The following XKRX variants were observed in gnomAD, a reference collection of about 807,000 sequenced individuals.
XKRX encodes the protein XK related X-linked.
XKRX carries 11 observed loss-of-function variants against 22.4 expected under a neutral mutation model. That is an observed-to-expected ratio of 0.49 (90% confidence interval 0.31 to 0.81). The LOEUF (loss-of-function observed/expected upper bound fraction) is 0.81. Among genes scored for constraint, XKRX ranks in the 40% least tolerant of loss-of-function variants. The pLI is 0.05. For missense variants in XKRX, 320 were observed against 336.5 expected (o/e 0.95, Z 0.38); for synonymous variants, 114 against 132.2 (o/e 0.86, Z 0.94).
At chrX:100,898,107 A>G in the XKRX span, among the ~76,000 whole-genome samples, 2 of 111,896 alleles carry the variant, frequency 1.8e-5, no homozygotes, top group Non-Finnish European at 3.8e-5. Flanking sequence ...TGTCAGAAGC[A>G]ACTTTCACAA....
At chrX:100,891,718 C>T in the XKRX span, among the ~76,000 whole-genome samples, 1 of 74,748 alleles carries the variant, frequency 1.3e-5, no homozygotes, top group Non-Finnish European at 2.5e-5. Flanking sequence ...TAGTGAGACC[C>T]CATCTCTATT....
At chrX:100,910,657 T>C (rs1479435025), downstream of XKRX, 1 of 384,422 alleles carries the variant, frequency 2.6e-6, no homozygotes, top group Non-Finnish European at 4.5e-6. Context: ...ACCTGAAAAT[T>C]GAGAGCATTT....
At chrX:100,916,853 T>C (rs994099392) in intron 2 of XKRX, among the ~76,000 whole-genome samples, 1 of 112,658 alleles carries the variant, frequency 8.9e-6, no homozygotes, top group African/African-American at 3.2e-5. Flanking sequence ...GCGCGGTGAC[T>C]CATGCCTGTA....
At chrX:100,898,371 AG>A in the XKRX span, among the ~76,000 whole-genome samples, 6 of 108,361 alleles carry the variant, frequency 5.5e-5, no homozygotes, top group African/African-American at 2.0e-4. Flanking sequence ...CCCTGAAGGA[AG>A]GGTGCAAGGG....
the XKRX span, among the ~76,000 whole-genome samples, chrX:100,954,150 G>A: frequency 9.0e-6 from 1 of 111,096 alleles, no homozygotes; most frequent in Non-Finnish European, 1.9e-5. Flanking sequence ...CGGGCGCAGT[G>A]GCTCACGCCT....
the XKRX span, among the ~76,000 whole-genome samples, chrX:100,936,169 C>T: frequency 8.1e-4 from 90 of 111,450 alleles, no homozygotes; most frequent in East Asian, 0.022. Flanking sequence ...CTGGATTATA[C>T]AGGGAAGTGA....
At chrX:100,955,508 AC>A in the XKRX span, among the ~76,000 whole-genome samples, 88 of 109,228 alleles carry the variant, frequency 8.1e-4, no homozygotes, top group Middle Eastern at 4.7e-3. Context: ...CCCTATCTCT[AC>A]TAAAAATAAA....
At chrX:100,955,727 G>A in the XKRX span, among the ~76,000 whole-genome samples, 11 of 111,665 alleles carry the variant, frequency 9.9e-5, no homozygotes, top group Admixed American at 9.5e-4. Context: ...AAAAATCCTC[G>A]ATATGAATGT....
At chrX:100,951,617 A>T in the XKRX span, among the ~76,000 whole-genome samples, 1 of 111,508 alleles carries the variant, frequency 9.0e-6, no homozygotes, top group African/African-American at 3.3e-5. Flanking sequence ...AACCATACAG[A>T]TGATGACTGA....
the XKRX span, among the ~76,000 whole-genome samples, chrX:100,891,130 T>C: frequency 8.9e-6 from 1 of 111,932 alleles, no homozygotes; most frequent in African/African-American, 3.2e-5. Context: ...ATTATAGCTG[T>C]TGCAAATATC....
chrX:100,904,684 A>C, the XKRX span, among the ~76,000 whole-genome samples: 4 of 111,871 alleles, frequency 3.6e-5, no homozygotes, highest in Non-Finnish European at 7.5e-5. Context: ...GCTGGGAGAC[A>C]AGGAAGCTTG....
At chrX:100,915,705 T>C (rs1278406138) in intron 2 of XKRX, among the ~76,000 whole-genome samples, 1 of 103,402 alleles carries the variant, frequency 9.7e-6, no homozygotes, top group African/African-American at 4.0e-5. Context: ...TGTGTGTGTG[T>C]GTGCGTGTGT....
At chrX:100,936,566 A>AAAAAG in the XKRX span, among the ~76,000 whole-genome samples, 5 of 90,661 alleles carry the variant, frequency 5.5e-5, no homozygotes, top group African/African-American at 1.2e-4. Flanking sequence ...AAAAAAAAAA[A>AAAAAG]AAAAGAAAAG....
chrX:100,905,611 C>A, the XKRX span, among the ~76,000 whole-genome samples: 2 of 111,813 alleles, frequency 1.8e-5, no homozygotes. Context: ...TTTCCTCTAC[C>A]CCCCCATATT....
chrX:100,946,702 T>C, the XKRX span, among the ~76,000 whole-genome samples: 1 of 111,823 alleles, frequency 8.9e-6, no homozygotes, highest in Non-Finnish European at 1.9e-5. Context: ...GTAGCTAGCC[T>C]GAGGCAATCC....
chrX:100,890,486 A>G, the XKRX span, among the ~76,000 whole-genome samples: 1 of 109,948 alleles, frequency 9.1e-6, no homozygotes, highest in Non-Finnish European at 1.9e-5. Context: ...AACCTAATAC[A>G]TGCTCTGATC....
At chrX:100,955,882 T>A in the XKRX span, among the ~76,000 whole-genome samples, 2 of 111,353 alleles carry the variant, frequency 1.8e-5, no homozygotes, top group Non-Finnish European at 3.8e-5. Context: ...ACAGCTTGGA[T>A]GAATTTCAAA....
At position 100,922,993 on chromosome X, in the gene XKRX, C is replaced by T. The variant is rs764472242; in HGVS notation, c.404G>A (p.Ser135Asn). 8.3e-7 allele frequency: 1 copy of T among 1,211,772 alleles called. No individual in the cohort carries two copies. The highest frequency in any genetic ancestry group is 1.1e-6 in the Non-Finnish European group (1 of 895,453). The stretch of plus-strand genomic sequence containing the variant: ...TATTAGCATCTTCTTTCGGGTGAGG[C>T]TGACATAGGGCTCCTCCTGCTCCTC... ...KKEEQEEPYV[S>N]LTRKKMLIDG... Residue 135 changes from serine (S) to asparagine (N), a missense_variant, in exon 2 of 3, where the codon AGC becomes AAC. Transcript: ENST00000372956.
the XKRX span, chrX:100,957,238 T>A: frequency 1.0e-6 from 1 of 980,264 alleles, no homozygotes; most frequent in South Asian, 1.9e-5. Context: ...TCTGATTTCC[T>A]GATCATTGGT....
Sources: allele counts gnomAD v4.1 joint callset (sites outside exome capture counted in the v4.1 genomes callset), GRCh38; gene constraint gnomAD v4.1.1; transcripts MANE v1.5; gene names NCBI Gene and HGNC (gene_info 2026-07-23, HGNC 2026-07-21).